Variants in RARB observed in about 807,000 individuals in gnomAD.
RARB encodes retinoic acid receptor beta, also known as HBV-activated protein.
In RARB, 17 loss-of-function variants were observed where a neutral mutation model predicts 51.9. The ratio of observed to expected loss-of-function variants is 0.33; its 90% CI spans 0.22 to 0.49. The LOEUF is 0.49. Ranked by LOEUF, RARB falls within the 20% of genes least tolerant of loss-of-function variation. RARB has a pLI of 0.99. For missense variants in RARB, 369 were observed against 550.8 expected (o/e 0.67, Z 3.30); for synonymous variants, 215 against 195.4 (o/e 1.10, Z -0.84).
rs1051596702 is a variant in RARB, at chr3:25,329,268, C to T, written c.179-131925C>T. Among the ~76,000 whole-genome samples the T allele has an allele frequency of 4.6e-5, 7 of 152,132 alleles. No individual in the cohort carries two copies. The East Asian group carries it at 5.8e-4, about 13-fold the overall frequency. The stretch of plus-strand genomic sequence containing the variant: ...CCCCGAGTAGCCTAACGGGGAGGCA[C>T]CACCCAGTAGGGGCTGACTGACACC... On this transcript the variant is annotated intron_variant, in intron 5 of 11. Coordinates refer to the RARB transcript ENST00000383772.
intron 2 of RARB, among the ~76,000 whole-genome samples, chr3:25,474,054 T>C (rs67222658): frequency 0.14 from 21,235 of 151,852 alleles, 1,619 homozygotes; most frequent in Middle Eastern, 0.29. Context: ...GAGAATACCA[T>C]AGTTTTATAA....
chr3:25,464,266 G>C (rs972419050), intron 2 of RARB, among the ~76,000 whole-genome samples: 1 of 152,028 alleles, frequency 6.6e-6, no homozygotes, highest in African/African-American at 2.4e-5. Context: ...TTCATGATCT[G>C]TATAGCACAA....
At chr3:25,359,789 G>GAAC (rs1266892949) in intron 5 of RARB, among the ~76,000 whole-genome samples, 1 of 152,194 alleles carries the variant, frequency 6.6e-6, no homozygotes, top group African/African-American at 2.4e-5. Flanking sequence ...GAGGTTTTGA[G>GAAC]TGAGTTTCTT....
chr3:24,858,422 C>T (rs926186934), intron 1 of RARB, among the ~76,000 whole-genome samples: 1 of 152,170 alleles, frequency 6.6e-6, no homozygotes, highest in African/African-American at 2.4e-5. Context: ...ATATGAAGCA[C>T]TGAACCAAGA....
intron 2 of RARB, among the ~76,000 whole-genome samples, chr3:24,868,314 T>C (rs1485156595): frequency 1.3e-5 from 2 of 152,152 alleles, no homozygotes; most frequent in Admixed American, 6.6e-5. Context: ...AACACACTTG[T>C]ACAAATGATG....
chr3:25,547,913 GAAATAC>G (rs1386757367), intron 3 of RARB, among the ~76,000 whole-genome samples: 1 of 152,064 alleles, frequency 6.6e-6, no homozygotes, highest in Non-Finnish European at 1.5e-5. Context: ...TTTCTCAGGT[GAAATAC>G]AAACCCAATA....
In RARB at chr3:24,884,917, T is replaced by C. The variant is rs1339222371; in HGVS notation, c.-380+26165T>C. On this transcript the variant is annotated intron_variant, in intron 2 of 11. Transcript: ENST00000383772. ...AACATATTTACAGAGAATAGGGACA[T>C]GGGGCCATACTTCTTTTCCCCACAC... Among the ~76,000 whole-genome samples the C allele has an allele frequency of 2.0e-5, 3 of 152,100 alleles. No homozygotes were observed. The East Asian group carries it at 5.8e-4, about 29-fold the overall frequency.
intron 3 of RARB, among the ~76,000 whole-genome samples, chr3:25,556,621 T>TA (rs1201974757): frequency 6.6e-6 from 1 of 152,212 alleles, no homozygotes; most frequent in African/African-American, 2.4e-5. Flanking sequence ...ATGTGACCTT[T>TA]AAAGTCTCTT....
intron 2 of RARB, among the ~76,000 whole-genome samples, chr3:24,918,089 C>G (rs754233533): frequency 1.3e-5 from 2 of 152,156 alleles, no homozygotes; most frequent in African/African-American, 4.8e-5. Context: ...CACACAAAGG[C>G]CTCAATGTGA....
intron 2 of RARB, among the ~76,000 whole-genome samples, chr3:25,034,839 T>C (rs1254768127): frequency 6.6e-6 from 1 of 152,164 alleles, no homozygotes; most frequent in Non-Finnish European, 1.5e-5. Flanking sequence ...CTCTTGGAAA[T>C]TCAGAAGACC....
At chr3:24,921,126 A>G (rs1695208157) in intron 2 of RARB, among the ~76,000 whole-genome samples, 1 of 152,254 alleles carries the variant, frequency 6.6e-6, no homozygotes, top group African/African-American at 2.4e-5. Flanking sequence ...ATGCTGAAAG[A>G]GAATTCTGAT....
rs149092775 is a variant in RARB, at chr3:24,997,855, A to G, written c.-379-62270A>G. Among the ~76,000 whole-genome samples, 65 of 152,318 alleles carry G rather than the reference A, an allele frequency of 4.3e-4. No individual in the cohort carries two copies. The East Asian group carries it at 0.012, about 28-fold the overall frequency. On this transcript the variant is annotated intron_variant, in intron 2 of 11. Coordinates refer to the RARB transcript ENST00000383772. The stretch of plus-strand genomic sequence containing the variant: ...ATAACAGTCTACATATATGCATTAT[A>G]TCCAACTTCTTGATTGAGTTGTTAA...
Position 25,461,369 on chromosome 3 carries a change from G to A in RARB, c.306+28G>A, listed in dbSNP as rs774158866. 3.7e-6 allele frequency: 6 copies of A among 1,607,646 alleles called. No homozygotes were observed. In the South Asian group the frequency reaches 5.6e-5, roughly 15 times the overall value. On this transcript the variant is annotated intron_variant, in intron 2 of 7. Coordinates refer to ENST00000330688, the MANE Select transcript of RARB (RefSeq NM_000965.5). ...GAGTATTCACACTTCTGTGCCTGATGAACTCTCATTCTCCATGTACTTTAT... is the reference window on the plus strand; with the variant it reads ...GAGTATTCACACTTCTGTGCCTGATAAACTCTCATTCTCCATGTACTTTAT...
upstream of RARB, among the ~76,000 whole-genome samples, chr3:25,423,819 A>G (rs1275429057): frequency 6.6e-6 from 1 of 152,268 alleles, no homozygotes; most frequent in Non-Finnish European, 1.5e-5. Flanking sequence ...ACTAATGTTG[A>G]GACAATGCCA....
At chr3:24,882,457 C>A (rs1324117279) in intron 2 of RARB, among the ~76,000 whole-genome samples, 21 of 152,172 alleles carry the variant, frequency 1.4e-4, no homozygotes, top group Admixed American at 1.4e-3. Flanking sequence ...AGGTGACACA[C>A]AAATGCTATA....
chr3:24,873,404 T>G (rs2125351017), intron 2 of RARB, among the ~76,000 whole-genome samples: 1 of 152,270 alleles, frequency 6.6e-6, no homozygotes, highest in Middle Eastern at 3.4e-3. Context: ...TGTTAACAAT[T>G]ATCTTTTTAA....
chr3:25,298,793 C>A (rs1182435566), intron 5 of RARB, among the ~76,000 whole-genome samples: 1 of 152,170 alleles, frequency 6.6e-6, no homozygotes, highest in Admixed American at 6.5e-5. Flanking sequence ...ACGTTTACAA[C>A]CTGATTCATG....
chr3:25,508,132 A>C (rs976276021), intron 3 of RARB, among the ~76,000 whole-genome samples: 1 of 152,176 alleles, frequency 6.6e-6, no homozygotes, highest in African/African-American at 2.4e-5. Context: ...TTCCTATGAC[A>C]GTTTCATAAG....
intron 5 of RARB, among the ~76,000 whole-genome samples, chr3:25,275,760 C>T (rs1326211773): frequency 2.1e-5 from 3 of 144,568 alleles, no homozygotes; most frequent in Non-Finnish European, 3.0e-5. Flanking sequence ...GACCATCACA[C>T]ACCGGGCTTG....
Sources: gnomAD v4.1 joint callset for allele counts (sites outside exome capture counted in the v4.1 genomes callset) on GRCh38, gnomAD v4.1.1 for gene constraint, MANE v1.5 for transcripts, NCBI Gene and HGNC (gene_info 2026-07-23, HGNC 2026-07-21) for gene names.